The following BLVRA variants were observed in gnomAD, a reference collection of about 807,000 sequenced individuals.
BLVRA encodes biliverdin reductase A.
Under a neutral mutation model 32.8 loss-of-function variants are expected in BLVRA, and 22 were observed. The ratio of observed to expected loss-of-function variants is 0.67; its 90% CI spans 0.48 to 0.96. The LOEUF (loss-of-function observed/expected upper bound fraction) is 0.96. Among genes scored for constraint, BLVRA ranks in the 40% least tolerant of loss-of-function variants. The pLI is 0.00. For missense variants in BLVRA, 323 were observed against 358.1 expected (o/e 0.90, Z 0.79); for synonymous variants, 119 against 141.3 (o/e 0.84, Z 1.12).
At chr7:43,775,506 G>A (rs930041942) in intron 2 of BLVRA, among the ~76,000 whole-genome samples, 1 of 152,178 alleles carries the variant, frequency 6.6e-6, no homozygotes, top group Non-Finnish European at 1.5e-5. Context: ...GATCATGGTG[G>A]ATAAGCTTTT....
rs17245925 is a variant in BLVRA, at chr7:43,788,054, A to G, written c.134+29A>G. ...GCTCACAATGTCTTTGTGCTTCATA[A>G]TTCATGGAAAGCCCAGTGAGGCGGA... On this transcript the variant is annotated intron_variant, in intron 3 of 7. Transcript: ENST00000265523. 2.2e-4 allele frequency: 355 copies of G among 1,614,148 alleles called. No individual in the cohort carries two copies. The African/African-American group carries it at 4.4e-3, about 20-fold the overall frequency.
At chr7:43,793,036 T>A (rs570242209) in intron 5 of BLVRA, among the ~76,000 whole-genome samples, 35 of 152,364 alleles carry the variant, frequency 2.3e-4, no homozygotes, top group Non-Finnish European at 3.8e-4. Context: ...CTTATTTTAC[T>A]CACTCTAAGG....
intron 1 of BLVRA, among the ~76,000 whole-genome samples, chr7:43,764,763 C>A (rs1177096321): frequency 6.6e-6 from 1 of 151,190 alleles, no homozygotes; most frequent in Admixed American, 6.6e-5. Context: ...CGAAAGAGAA[C>A]CCCCCACCCC....
At chr7:43,794,568 C>T (rs541137230) in intron 5 of BLVRA, among the ~76,000 whole-genome samples, 1 of 152,222 alleles carries the variant, frequency 6.6e-6, no homozygotes, top group African/African-American at 2.4e-5. Context: ...AACCCCATCT[C>T]TACTAAAAAT....
chr7:43,760,821 T>G (rs1161065517), intron 1 of BLVRA, among the ~76,000 whole-genome samples: 2 of 148,374 alleles, frequency 1.3e-5, no homozygotes, highest in African/African-American at 2.5e-5. Context: ...CAGGCTGGAG[T>G]GCAGTGGCGC....
intron 5 of BLVRA, among the ~76,000 whole-genome samples, chr7:43,795,602 A>C (rs535906770): frequency 1.6e-4 from 25 of 152,358 alleles, no homozygotes; most frequent in Non-Finnish European, 3.2e-4. Context: ...TACATTAAAC[A>C]AGAAGAAAGA....
intron 5 of BLVRA, among the ~76,000 whole-genome samples, chr7:43,794,441 T>C (rs1020750063): frequency 5.9e-5 from 9 of 152,122 alleles, no homozygotes; most frequent in Admixed American, 5.9e-4. Flanking sequence ...TGTTGACATA[T>C]AAATCACTTT....
intron 3 of BLVRA, among the ~76,000 whole-genome samples, chr7:43,789,155 T>C (rs189173134): frequency 2.0e-4 from 30 of 152,224 alleles, no homozygotes; most frequent in South Asian, 4.1e-4. Context: ...CATTTATCCA[T>C]ATTAATTTTG....
chr7:43,780,983 C>G (rs2095768545), intron 2 of BLVRA, among the ~76,000 whole-genome samples: 1 of 152,192 alleles, frequency 6.6e-6, no homozygotes. Context: ...CCCATCTCTA[C>G]TAAAAATACA....
At chr7:43,772,467 A>C (rs1022450538) in intron 2 of BLVRA, among the ~76,000 whole-genome samples, 2 of 152,208 alleles carry the variant, frequency 1.3e-5, no homozygotes, top group African/African-American at 4.8e-5. Context: ...ACTCAGGCCC[A>C]TCCTGGAGCA....
At chr7:43,775,118 G>A (rs542977912) in intron 2 of BLVRA, among the ~76,000 whole-genome samples, 1,805 of 151,990 alleles carry the variant, frequency 0.012, 17 homozygotes, top group Non-Finnish European at 0.019. Flanking sequence ...TTTCCTAATT[G>A]AATACCCTTT....
At chr7:43,779,987 C>G (rs980707128) in intron 2 of BLVRA, among the ~76,000 whole-genome samples, 3 of 152,054 alleles carry the variant, frequency 2.0e-5, no homozygotes, top group Admixed American at 2.0e-4. Context: ...GATTCTCCCA[C>G]CTCAGCCTAC....
In BLVRA at chr7:43,792,818, G is replaced by A. The variant is rs375267550; in HGVS notation, c.352+6G>A. 27 of 1,613,330 alleles carry A rather than the reference G, an allele frequency of 1.7e-5. No individual in the cohort carries two copies. Among genetic ancestry groups the A allele is most frequent in the African/African-American group, 2.7e-5 (2 of 74,926 alleles). The stretch of plus-strand genomic sequence containing the variant: ...GGAGCTGGCTGAGCAGAAAGGTAAT[G>A]TATCTTACCAAGAGTTTCTGCCTCC... On this transcript the variant is annotated splice_donor_region_variant and intron_variant, in intron 5 of 7. Coordinates refer to ENST00000265523, the MANE Select transcript of BLVRA (RefSeq NM_000712.4).
At chr7:43,763,140 T>C (rs948528459) in intron 1 of BLVRA, among the ~76,000 whole-genome samples, 12 of 152,124 alleles carry the variant, frequency 7.9e-5, no homozygotes, top group African/African-American at 2.9e-4. Context: ...CAAGTGATGG[T>C]GAGGCACACA....
chr7:43,775,822 G>T (rs2095760178), intron 2 of BLVRA, among the ~76,000 whole-genome samples: 1 of 152,196 alleles, frequency 6.6e-6, no homozygotes, highest in Non-Finnish European at 1.5e-5. Context: ...TTCAGAGCCT[G>T]TTATTGGTCT....
chr7:43,763,024 T>C (rs766161189), intron 1 of BLVRA, among the ~76,000 whole-genome samples: 30 of 152,118 alleles, frequency 2.0e-4, no homozygotes, highest in Non-Finnish European at 3.2e-4. Flanking sequence ...CAAACTGATA[T>C]ACTGCCAAGT....
At chr7:43,796,367 A>G (rs1392108613) in intron 5 of BLVRA, among the ~76,000 whole-genome samples, 2 of 152,200 alleles carry the variant, frequency 1.3e-5, no homozygotes, top group Admixed American at 1.3e-4. Context: ...GAACAGATTT[A>G]TAACTAGTAA....
intron 2 of BLVRA, among the ~76,000 whole-genome samples, chr7:43,777,026 C>T (rs1182751731): frequency 6.6e-6 from 1 of 151,736 alleles, no homozygotes; most frequent in Non-Finnish European, 1.5e-5. Context: ...TATTTTGAGC[C>T]TATGTGTGTC....
chr7:43,770,186 T>C (rs371835702), intron 1 of BLVRA, among the ~76,000 whole-genome samples: 24 of 152,200 alleles, frequency 1.6e-4, no homozygotes, highest in African/African-American at 5.1e-4. Flanking sequence ...CTGGACAGCC[T>C]ATGCAGGTGG....
Sources: allele counts gnomAD v4.1 joint callset (sites outside exome capture counted in the v4.1 genomes callset), GRCh38; gene constraint gnomAD v4.1.1; transcripts MANE v1.5; gene names NCBI Gene and HGNC (gene_info 2026-07-23, HGNC 2026-07-21).